CCDC51: variants seen among roughly 807,000 people sequenced by gnomAD.
The protein encoded by CCDC51 is mitochondrial potassium channel.
CCDC51 carries 25 observed loss-of-function variants against 24.8 expected under a neutral mutation model. That is an observed-to-expected ratio of 1.01 (90% confidence interval 0.73 to 1.41). CCDC51 has a LOEUF of 1.41. Ranked by LOEUF, CCDC51 falls within the 40% of genes most tolerant of loss-of-function variation. CCDC51 has a pLI of 0.00. For missense variants in CCDC51, 466 were observed against 519.1 expected, an observed-to-expected ratio of 0.90 and a Z score of 0.99; for synonymous variants, 190 against 204.3, an observed-to-expected ratio of 0.93 and a Z score of 0.60.
intron 1 of CCDC51, among the ~76,000 whole-genome samples, chr3:48,436,183 A>G (rs1379192098): frequency 1.3e-5 from 2 of 152,208 alleles, no homozygotes; most frequent in Non-Finnish European, 2.9e-5. Context: ...CCTGGCTGTG[A>G]GAGCGACACC....
At chr3:48,440,350 G>T (rs759890874), upstream of CCDC51, 6 of 1,611,934 alleles carry the variant, frequency 3.7e-6, no homozygotes, top group Non-Finnish European at 5.1e-6. Context: ...CGGGGACGGC[G>T]GGGTGGGGAC....
At chr3:48,442,968 G>T (rs2039602062), upstream of CCDC51, among the ~76,000 whole-genome samples, 1 of 151,852 alleles carries the variant, frequency 6.6e-6, no homozygotes, top group African/African-American at 2.4e-5. Context: ...GGCTGGGCAT[G>T]GTGGCTCAAG....
rs1440435278 is a variant in CCDC51, at chr3:48,435,337, G to C, written c.-8-201C>G. Among the ~76,000 whole-genome samples, 127 of 152,262 alleles carry C rather than the reference G, an allele frequency of 8.3e-4. 2 individuals carry two copies. Among genetic ancestry groups the C allele is most frequent in the Non-Finnish European group, 1.6e-4 (11 of 68,012 alleles). On this transcript the variant is annotated intron_variant, in intron 1 of 3. Coordinates refer to ENST00000395694, the MANE Select transcript of CCDC51 (RefSeq NM_001256964.2). This position sits in a 1 kb window ranked among gnomAD's most constrained non-coding sequence, Gnocchi z 4.2. ...CTCCTCTGGGTGCTCTTGGACAATG[G>C]AACACAGTTGGGGACGAGCCTCTAG...
upstream of CCDC51, chr3:48,440,621 G>C: frequency 6.2e-7 from 1 of 1,611,190 alleles, no homozygotes; most frequent in Non-Finnish European, 8.5e-7. Flanking sequence ...CGGGGAAGGG[G>C]CCCTTGGGTA....
chr3:48,440,172 C>A, upstream of CCDC51: 1 of 1,467,934 alleles, frequency 6.8e-7, no homozygotes, highest in Non-Finnish European at 9.0e-7. Context: ...GCGCCGCATC[C>A]GGTAGCGAGA....
intron 1 of CCDC51, among the ~76,000 whole-genome samples, chr3:48,439,369 C>T (rs1183043785): frequency 2.0e-5 from 3 of 152,268 alleles, no homozygotes; most frequent in African/African-American, 4.8e-5. Flanking sequence ...TGCGGTGGCT[C>T]ACGCCTGTAA....
At chr3:48,445,559 A>G in the CCDC51 span, among the ~76,000 whole-genome samples, 1 of 152,168 alleles carries the variant, frequency 6.6e-6, no homozygotes, top group African/African-American at 2.4e-5. Context: ...GGTGGAACCT[A>G]TCCCTCTTTA....
chr3:48,444,608 G>A (rs1366926608), upstream of CCDC51, among the ~76,000 whole-genome samples: 1 of 152,146 alleles, frequency 6.6e-6, no homozygotes, highest in Non-Finnish European at 1.5e-5. Flanking sequence ...CCATCTTTAT[G>A]TTGTCACATC....
upstream of CCDC51, chr3:48,440,174 G>A (rs1173758624): frequency 6.8e-6 from 10 of 1,475,264 alleles, no homozygotes; most frequent in Admixed American, 2.4e-5. Context: ...GCCGCATCCG[G>A]TAGCGAGAGT....
At position 48,432,590 on chromosome 3, in the gene CCDC51, G is replaced by C; in HGVS notation, c.1054C>G (p.Pro352Ala). 6.2e-7 allele frequency: 1 copy of C among 1,614,250 alleles called. No homozygotes were observed. Among genetic ancestry groups the C allele is most frequent in the Non-Finnish European group, 8.5e-7 (1 of 1,180,046 alleles). The stretch of plus-strand genomic sequence containing the variant: ...AAGCTGGGCATAGCCCCGTCTGCTG[G>C]TTCCACCAGGCCTGGGTGTGCTGCA... ...KSAAHPGLVE[P>A]ADGAMPSFLL... The change falls in exon 4 of 4, where the codon CCA becomes GCA. Residue 352 changes from proline to alanine, a missense_variant. Transcript: ENST00000395694.
chr3:48,432,748 A>G lies in CCDC51; in HGVS notation c.896T>C (p.Leu299Pro). The stretch of plus-strand genomic sequence containing the variant: ...AAGCTGCTCTTTCAAGGCAGCTGAA[A>G]GGACATCTACATCTCTGTCTCTGGT... ...PPTRDRDVDV[L>P]SAALKEQLSH... Residue 299 changes from leucine (L) to proline (P), a missense_variant, in exon 4 of 4, where the codon CTT becomes CCT. Coordinates refer to ENST00000395694, the MANE Select transcript of CCDC51 (RefSeq NM_001256964.2). 2 of 1,614,200 alleles carry G rather than the reference A, an allele frequency of 1.2e-6. No homozygotes were observed. The highest frequency in any genetic ancestry group is 1.3e-5 in the African/African-American group (1 of 75,072).
At chr3:48,442,684 T>A (rs575657745), upstream of CCDC51, among the ~76,000 whole-genome samples, 3 of 152,030 alleles carry the variant, frequency 2.0e-5, no homozygotes, top group East Asian at 5.9e-4. Context: ...TCTCCTGACC[T>A]CGTGATCCAC....
chr3:48,441,686 A>G (rs983291010), upstream of CCDC51, among the ~76,000 whole-genome samples: 4 of 152,094 alleles, frequency 2.6e-5, no homozygotes, highest in Non-Finnish European at 4.4e-5. Flanking sequence ...ATTTCAAAAT[A>G]TTTTTCAGGC....
chr3:48,444,124 A>C (rs141110854), upstream of CCDC51: 912 of 362,732 alleles, frequency 2.5e-3, 6 homozygotes, highest in African/African-American at 0.017. Context: ...AAACCAGCTC[A>C]GAATCTTGCC....
chr3:48,435,117 G>GCGCC lies in CCDC51; in HGVS notation c.8_11dup (p.Ser5AlafsTer47). ...TGTGCTGCATGGCAAACCCAGGGCTGCGCCCCATCATCCTGAGATCTGTGA... is the reference window on the plus strand; with the variant it reads ...TGTGCTGCATGGCAAACCCAGGGCTGCGCCCGCCCCATCATCCTGAGATCTGTGA... On this transcript the variant is annotated frameshift_variant, in exon 2 of 4. Transcript: ENST00000395694. LOFTEE classifies it high-confidence loss of function. The surrounding 1 kb of genome is among the most constrained non-coding windows in gnomAD (Gnocchi z 4.2). The GCGCC allele has an allele frequency of 6.3e-7, 1 of 1,581,458 alleles. No individual in the cohort carries two copies. Among genetic ancestry groups the GCGCC allele is most frequent in the Non-Finnish European group, 8.6e-7 (1 of 1,163,892 alleles).
At chr3:48,445,438 A>T (rs1348609169), upstream of CCDC51, among the ~76,000 whole-genome samples, 6 of 152,238 alleles carry the variant, frequency 3.9e-5, no homozygotes, top group Non-Finnish European at 5.9e-5. Flanking sequence ...AGCACCCTTC[A>T]GTAGGCTTCA....
At chr3:48,439,028 G>A (rs1033658909) in intron 1 of CCDC51, among the ~76,000 whole-genome samples, 4 of 152,074 alleles carry the variant, frequency 2.6e-5, no homozygotes, top group African/African-American at 7.2e-5. Context: ...TGTGCTGCTC[G>A]CTCCCTCACC....
chr3:48,440,945 A>G, upstream of CCDC51: 2 of 451,760 alleles, frequency 4.4e-6, no homozygotes, highest in South Asian at 5.3e-5. Context: ...GTCGTCCGCA[A>G]TCTTTTGCCC....
chr3:48,434,868 T>C lies in CCDC51; in HGVS notation c.261A>G (p.Glu87=). 1 of 1,614,050 alleles carries C rather than the reference T, an allele frequency of 6.2e-7. No homozygotes were observed. Among genetic ancestry groups the C allele is most frequent in the Non-Finnish European group, 8.5e-7 (1 of 1,179,956 alleles). Residue 87 remains glutamate (E), a synonymous_variant, in exon 2 of 4, where the codon GAA becomes GAG. Transcript: ENST00000395694. The part of the protein sequence containing the change: ...STAKTWWDRY[E]EFVGLNEVRE... Reference sequence around the variant, plus strand: ...GAACCTCGTTGAGTCCAACAAACTCTTCATATCTGTCCCACCAAGTCTTGG... The same window carrying C: ...GAACCTCGTTGAGTCCAACAAACTCCTCATATCTGTCCCACCAAGTCTTGG...
Sources: gnomAD v4.1 joint callset for allele counts (sites outside exome capture counted in the v4.1 genomes callset) on GRCh38, gnomAD v4.1.1 for gene constraint, Gnocchi (gnomAD v3.1) non-coding constraint, MANE v1.5 for transcripts, NCBI Gene and HGNC (gene_info 2026-07-23, HGNC 2026-07-21) for gene names.